Variants in RARB observed in about 807,000 individuals in gnomAD.
The protein encoded by RARB is retinoic acid receptor beta.
A neutral mutation model predicts 51.9 loss-of-function variants in RARB; 17 were observed. The observed-to-expected ratio is 0.33, with a 90% CI of 0.22 to 0.49. The LOEUF (loss-of-function observed/expected upper bound fraction) is 0.49. Ranked by LOEUF, RARB falls within the 20% of genes least tolerant of loss-of-function variation. The pLI, the probability that RARB is intolerant of heterozygous loss-of-function variation, is 0.99. For missense variants in RARB, 369 were observed against 550.8 expected, an observed-to-expected ratio of 0.67 and a Z score of 3.30; for synonymous variants, 215 against 195.4, an observed-to-expected ratio of 1.10 and a Z score of -0.84.
chr3:25,204,587 G>T (rs960602871), intron 5 of RARB, among the ~76,000 whole-genome samples: 5 of 152,172 alleles, frequency 3.3e-5, no homozygotes, highest in African/African-American at 1.2e-4. Flanking sequence ...TGATGGTGAT[G>T]TACAGATTGG....
chr3:24,984,190 G>A (rs1355103271), intron 2 of RARB, among the ~76,000 whole-genome samples: 1 of 152,198 alleles, frequency 6.6e-6, no homozygotes, highest in Non-Finnish European at 1.5e-5. Flanking sequence ...ACCAGTGAAG[G>A]TGTTCATCAC....
chr3:25,266,614 A>G (rs984477236), intron 5 of RARB, among the ~76,000 whole-genome samples: 1 of 152,194 alleles, frequency 6.6e-6, no homozygotes, highest in African/African-American at 2.4e-5. Context: ...TATGGATTCA[A>G]CCGTGTCCCT....
intron 3 of RARB, among the ~76,000 whole-genome samples, chr3:25,521,025 C>G (rs1435704): frequency 0.15 from 22,941 of 152,146 alleles, 3,542 homozygotes; most frequent in African/African-American, 0.4. Context: ...AAAAAGCTGT[C>G]AAAGTGCTTT....
At chr3:24,890,166 C>A (rs1204173235) in intron 2 of RARB, among the ~76,000 whole-genome samples, 2 of 152,154 alleles carry the variant, frequency 1.3e-5, no homozygotes, top group Admixed American at 6.5e-5. Context: ...AAGTTCCTAG[C>A]CTCTAAAAGC....
At chr3:25,198,797 T>C (rs1208275916) in intron 5 of RARB, among the ~76,000 whole-genome samples, 1 of 152,072 alleles carries the variant, frequency 6.6e-6, no homozygotes, top group Non-Finnish European at 1.5e-5. Context: ...TAACAAATGC[T>C]GGTGAGGATG....
At chr3:25,409,117 A>G (rs927935811) in intron 5 of RARB, among the ~76,000 whole-genome samples, 8 of 152,190 alleles carry the variant, frequency 5.3e-5, no homozygotes, top group Admixed American at 1.3e-4. Flanking sequence ...GCAAGTACCA[A>G]TGACCTGGGA....
At chr3:25,094,500 T>C (rs1699257569) in intron 3 of RARB, among the ~76,000 whole-genome samples, 1 of 151,974 alleles carries the variant, frequency 6.6e-6, no homozygotes, top group African/African-American at 2.4e-5. Context: ...GTGGATCACT[T>C]GAGTTTAGAA....
chr3:24,951,053 C>G lies in RARB; in HGVS notation c.-380+92301C>G, dbSNP rs79752914. ...GAGCAGGGCAAGCTAGTAGGGATCTCTGGGAGTACTTCCCTCTGGAGAAAA... is the reference window on the plus strand; with the variant it reads ...GAGCAGGGCAAGCTAGTAGGGATCTGTGGGAGTACTTCCCTCTGGAGAAAA... On this transcript the variant is annotated intron_variant, in intron 2 of 11. Transcript: ENST00000383772. 1.1e-4 allele frequency among the ~76,000 whole-genome samples: 17 copies of G among 152,284 alleles called. No homozygotes were observed. The East Asian group carries it at 2.5e-3, about 23-fold the overall frequency.
chr3:25,283,336 G>A (rs761237527), intron 5 of RARB, among the ~76,000 whole-genome samples: 1 of 152,146 alleles, frequency 6.6e-6, no homozygotes, highest in Admixed American at 6.5e-5. Context: ...GCAACTCAAC[G>A]TGTGGGCCTC....
intron 5 of RARB, among the ~76,000 whole-genome samples, chr3:25,364,233 C>T (rs555500684): frequency 6.6e-6 from 1 of 152,210 alleles, no homozygotes; most frequent in Admixed American, 6.5e-5. Flanking sequence ...ATCCCAAGTG[C>T]CTGGAACAGT....
At chr3:25,583,119 G>T (rs1701248049) in intron 5 of RARB, among the ~76,000 whole-genome samples, 1 of 152,142 alleles carries the variant, frequency 6.6e-6, no homozygotes, top group African/African-American at 2.4e-5. Context: ...AAAGGGCAAA[G>T]ACCTCCAATC....
At chr3:25,035,029 ATAAG>A (rs1697956742) in intron 2 of RARB, among the ~76,000 whole-genome samples, 1 of 152,224 alleles carries the variant, frequency 6.6e-6, no homozygotes, top group Middle Eastern at 3.2e-3. Context: ...GATATTTCTA[ATAAG>A]TAAAGAAATA....
At chr3:25,376,341 G>C (rs1706458347) in intron 5 of RARB, among the ~76,000 whole-genome samples, 1 of 152,116 alleles carries the variant, frequency 6.6e-6, no homozygotes, top group Admixed American at 6.5e-5. Flanking sequence ...TAGTCCACTA[G>C]GACACAAGTC....
chr3:25,244,341 T>C (rs1702504097), intron 5 of RARB, among the ~76,000 whole-genome samples: 1 of 151,922 alleles, frequency 6.6e-6, no homozygotes, highest in Non-Finnish European at 1.5e-5. Context: ...AGTTGTTTCT[T>C]GTCTTCTGCT....
At chr3:25,347,818 C>G (rs967438714) in intron 5 of RARB, among the ~76,000 whole-genome samples, 12 of 152,298 alleles carry the variant, frequency 7.9e-5, no homozygotes, top group South Asian at 2.1e-4. Flanking sequence ...GCCTGCAAGA[C>G]ACATGGCAAA....
chr3:24,914,036 C>A (rs1412018287), intron 2 of RARB, among the ~76,000 whole-genome samples: 1 of 152,118 alleles, frequency 6.6e-6, no homozygotes, highest in African/African-American at 2.4e-5. Context: ...TGGGTATGGC[C>A]AAGATGGTGC....
chr3:25,179,490 G>T (rs1028982762), intron 5 of RARB, among the ~76,000 whole-genome samples: 3 of 152,110 alleles, frequency 2.0e-5, no homozygotes, highest in African/African-American at 7.2e-5. Flanking sequence ...CTGGTATTTT[G>T]TGAAAGTCAA....
intron 3 of RARB, among the ~76,000 whole-genome samples, chr3:25,066,762 A>G (rs1698672525): frequency 6.6e-6 from 1 of 152,158 alleles, no homozygotes; most frequent in African/African-American, 2.4e-5. Flanking sequence ...AAACAGAAAA[A>G]TAAAATAAAA....
At chr3:25,159,412 A>ACCCCC (rs11393745) in intron 4 of RARB, among the ~76,000 whole-genome samples, 20 of 141,824 alleles carry the variant, frequency 1.4e-4, no homozygotes, top group African/African-American at 5.4e-4. Flanking sequence ...CAGATGATCC[A>ACCCCC]CCCCCCCCGC....
Sources: gnomAD v4.1 joint callset for allele counts (sites outside exome capture counted in the v4.1 genomes callset) on GRCh38, gnomAD v4.1.1 for gene constraint, MANE v1.5 for transcripts, NCBI Gene and HGNC (gene_info 2026-07-23, HGNC 2026-07-21) for gene names.